Variants in VAV1 observed in about 807,000 individuals in gnomAD.
VAV1 encodes the protein proto-oncogene vav.
VAV1 carries 33 observed loss-of-function variants against 128.1 expected under a neutral mutation model. That is an observed-to-expected ratio of 0.26 (90% CI 0.20 to 0.34). The LOEUF (loss-of-function observed/expected upper bound fraction) is 0.34, where lower values mean the gene tolerates loss of function less well. VAV1 is among the 10% of genes least tolerant of loss of function. VAV1 has a pLI of 1.00. For synonymous variants in VAV1, 394 were observed against 409.8 expected, an observed-to-expected ratio of 0.96 and a Z score of 0.47; for missense variants, 715 against 1,093.7, an observed-to-expected ratio of 0.65 and a Z score of 4.88.
chr19:6,844,949 G>A (rs1972481072), intron 22 of VAV1, among the ~76,000 whole-genome samples: 4 of 152,136 alleles, frequency 2.6e-5, no homozygotes. Flanking sequence ...GTAAGAGGAG[G>A]TGGGTGAGGT....
intron 1 of VAV1, among the ~76,000 whole-genome samples, chr19:6,808,768 A>T (rs1346951853): frequency 2.6e-5 from 4 of 152,174 alleles, no homozygotes; most frequent in Non-Finnish European, 5.9e-5. Context: ...TATTCCAATT[A>T]ATTTAGTAAA....
chr19:6,776,284 TCATC>T (rs59236244), intron 1 of VAV1, among the ~76,000 whole-genome samples: 40,896 of 100,106 alleles, frequency 0.41, 7,240 homozygotes, highest in Middle Eastern at 0.51. Context: ...ATCTATCCAC[TCATC>T]CATCCATCCA....
intron 1 of VAV1, among the ~76,000 whole-genome samples, chr19:6,780,053 G>A (rs898310233): frequency 6.8e-6 from 1 of 148,116 alleles, no homozygotes; most frequent in Admixed American, 6.7e-5. Context: ...GGAGCTTGCA[G>A]TGAGCCGAGA....
intron 23 of VAV1, among the ~76,000 whole-genome samples, chr19:6,850,225 G>GTTT (rs760967154): frequency 9.8e-4 from 48 of 49,032 alleles, no homozygotes; most frequent in Non-Finnish European, 1.5e-3. Context: ...TTGTTTCTTT[G>GTTT]TTTTTTTTTT....
intron 23 of VAV1, among the ~76,000 whole-genome samples, chr19:6,849,979 G>A (rs1470339806): frequency 6.6e-6 from 1 of 151,972 alleles, no homozygotes; most frequent in Non-Finnish European, 1.5e-5. Flanking sequence ...ATCAAATGGT[G>A]GTTCTATTTT....
intron 1 of VAV1, among the ~76,000 whole-genome samples, chr19:6,795,291 G>A (rs1171892325): frequency 1.3e-5 from 2 of 151,970 alleles, no homozygotes; most frequent in Non-Finnish European, 2.9e-5. Context: ...AAAGGAAGGG[G>A]ATGAGTCATT....
chr19:6,780,815 CT>C (rs1262306096), intron 1 of VAV1, among the ~76,000 whole-genome samples: 1 of 150,482 alleles, frequency 6.6e-6, no homozygotes, highest in Non-Finnish European at 1.5e-5. Flanking sequence ...CTCAGATGAT[CT>C]GCCCGCCTCA....
intron 14 of VAV1, among the ~76,000 whole-genome samples, chr19:6,830,646 G>A (rs1001198886): frequency 6.6e-6 from 1 of 151,774 alleles, no homozygotes; most frequent in African/African-American, 2.4e-5. Context: ...CACCATGTTG[G>A]CCAGGCTGGT....
chr19:6,831,997 C>T (rs1972068141), intron 14 of VAV1, 94 bp from the exon 15 acceptor site: 5 of 972,630 alleles, frequency 5.1e-6, no homozygotes, highest in Non-Finnish European at 7.8e-6. Context: ...CTGTCATGGG[C>T]TTGCCTGTTC....
intron 21 of VAV1, among the ~76,000 whole-genome samples, chr19:6,841,944 G>A (rs1398864418): frequency 2.0e-5 from 3 of 151,278 alleles, no homozygotes; most frequent in East Asian, 3.9e-4. Flanking sequence ...GAGCACTTTC[G>A]GCCGGGCGCG....
chr19:6,823,572 ATCC>A (rs1313857179), intron 6 of VAV1, among the ~76,000 whole-genome samples: 2 of 152,094 alleles, frequency 1.3e-5, no homozygotes, highest in East Asian at 3.9e-4. Flanking sequence ...GGCTCAAGCA[ATCC>A]TCCTGTAATC....
rs1379584911 is a variant in VAV1, at chr19:6,828,140, A to G, written c.992A>G (p.Gln331Arg). 6.2e-7 allele frequency: 1 copy of G among 1,614,028 alleles called. No homozygotes were observed. ...CGGGACCTGCTGATGGTGCCTATGC[A>G]GCGAGTTCTCAAATATCACCTCCTT... The part of the protein sequence containing the change: ...TLRDLLMVPM[Q>R]RVLKYHLLLQ... Residue 331 changes from glutamine (Q) to arginine (R), a missense_variant, in exon 10 of 27, where the codon CAG becomes CGG. Gln to Arg is a conservative substitution (Grantham distance 43). Transcript: ENST00000602142. The surrounding 1 kb of genome is among the most constrained non-coding windows in gnomAD (Gnocchi z 4.5).
chr19:6,825,501 G>A, intron 8 of VAV1, 95 bp downstream of exon 8: 1 of 1,092,730 alleles, frequency 9.2e-7, no homozygotes, highest in Non-Finnish European at 1.3e-6. Flanking sequence ...CCACTGGACG[G>A]GGAGGACTTT....
rs533739812 is a variant in VAV1 at position 6,776,955 on chromosome 19, C to G, written c.204+3944C>G. Among the ~76,000 whole-genome samples, 8 of 152,168 alleles carry G rather than the reference C, an allele frequency of 5.3e-5. No homozygotes were observed. In the South Asian group the frequency reaches 6.2e-4, roughly 12 times the overall value. ...TATTTTTAGTAGAGATGGGGTTTCA[C>G]CATATTGGCCAGGCTGGTCTTGAAC... On this transcript the variant is annotated intron_variant, in intron 1 of 26. Transcript: ENST00000602142.
At chr19:6,833,411 C>T in intron 16 of VAV1, 117 bp from the exon 17 acceptor site, 1 of 1,365,044 alleles carries the variant, frequency 7.3e-7, no homozygotes, top group Admixed American at 2.2e-5. Context: ...TCTTCTGCTT[C>T]TCCGTCACTC....
chr19:6,785,519 A>T (rs1273165262), intron 1 of VAV1, among the ~76,000 whole-genome samples: 2 of 151,692 alleles, frequency 1.3e-5, no homozygotes, highest in Non-Finnish European at 2.9e-5. Flanking sequence ...TTTAGTAGAG[A>T]CGGAGTTTCA....
At chr19:6,797,567 G>C (rs566805469) in intron 1 of VAV1, among the ~76,000 whole-genome samples, 24 of 151,974 alleles carry the variant, frequency 1.6e-4, no homozygotes, top group Non-Finnish European at 2.5e-4. Flanking sequence ...GCTGGGCGTG[G>C]TGACGCATGC....
At chr19:6,814,732 CCTTT>C (rs1971606822) in intron 1 of VAV1, among the ~76,000 whole-genome samples, 5 of 130,030 alleles carry the variant, frequency 3.8e-5, no homozygotes, top group Admixed American at 8.3e-5. Flanking sequence ...TTCTTTCTTT[CCTTT>C]TTCCCTCTGT....
intron 1 of VAV1, among the ~76,000 whole-genome samples, chr19:6,776,753 T>A (rs1970653080): frequency 1.3e-5 from 2 of 148,966 alleles, no homozygotes; most frequent in African/African-American, 4.9e-5. Flanking sequence ...CTAATCTGTC[T>A]TTTTTATTTA....
Sources: gnomAD v4.1 joint callset for allele counts (sites outside exome capture counted in the v4.1 genomes callset) on GRCh38, gnomAD v4.1.1 for gene constraint, Gnocchi (gnomAD v3.1) non-coding constraint, MANE v1.5 for transcripts, NCBI Gene and HGNC (gene_info 2026-07-23, HGNC 2026-07-21) for gene names.